The following PLEKHH2 variants were observed in gnomAD, a reference collection of about 807,000 sequenced individuals.
PLEKHH2 encodes pleckstrin homology domain-containing family H member 2.
In PLEKHH2, 129 loss-of-function variants were observed where a neutral mutation model predicts 187.9. The observed-to-expected ratio is 0.69, with a 90% CI of 0.59 to 0.79. The LOEUF is 0.79. Ranked by LOEUF, PLEKHH2 falls within the 30% of genes least tolerant of loss-of-function variation. PLEKHH2 has a pLI of 0.00. For synonymous variants in PLEKHH2, 686 were observed against 605.6 expected (o/e 1.13, Z -1.95); for missense variants, 2,076 against 1,751.2 (o/e 1.19, Z -3.31).
Position 43,692,607 on chromosome 2 carries a change from C to G in PLEKHH2, c.280C>G (p.Leu94Val), listed in dbSNP as rs367771072. 3.7e-6 allele frequency: 6 copies of G among 1,612,786 alleles called. No individual in the cohort carries two copies. Among genetic ancestry groups the G allele is most frequent in the Non-Finnish European group, 5.1e-6 (6 of 1,179,226 alleles). ...TAATAAGTGTCAAGATCTGGAGTCGCTAATACAGGAAAAAGATGACGTCAT... is the reference window on the plus strand; with the variant it reads ...TAATAAGTGTCAAGATCTGGAGTCGGTAATACAGGAAAAAGATGACGTCAT... ...LYNKCQDLESLIQEKDDVIQN... is the reference protein window; with the variant it reads ...LYNKCQDLESVIQEKDDVIQN... The change falls in exon 4 of 30, where the codon CTA becomes GTA. Residue 94 changes from leucine to valine, a missense_variant. Leu to Val is a conservative substitution (Grantham distance 32, BLOSUM62 1). Coordinates refer to ENST00000282406, the MANE Select transcript of PLEKHH2 (RefSeq NM_172069.4).
chr2:43,733,584 A>G (rs1671150443), intron 19 of PLEKHH2, among the ~76,000 whole-genome samples: 2 of 152,104 alleles, frequency 1.3e-5, no homozygotes, highest in Admixed American at 1.3e-4. Context: ...TGTTTATTAG[A>G]TAATATGGAA....
At chr2:43,640,924 C>G (rs1415455339) in intron 1 of PLEKHH2, among the ~76,000 whole-genome samples, 1 of 149,952 alleles carries the variant, frequency 6.7e-6, no homozygotes, top group South Asian at 2.1e-4. Context: ...GCTGGGACTA[C>G]AGGCCTGCAC....
chr2:43,744,981 T>G (rs912843875), intron 23 of PLEKHH2, among the ~76,000 whole-genome samples: 1 of 149,154 alleles, frequency 6.7e-6, no homozygotes, highest in Non-Finnish European at 1.5e-5. Flanking sequence ...CATAGTAAAA[T>G]AACTTTAATA....
chr2:43,764,367 T>G lies in PLEKHH2; in HGVS notation c.4296+2T>G. 6.2e-7 allele frequency: 1 copy of G among 1,612,496 alleles called. No individual in the cohort carries two copies. The highest frequency in any genetic ancestry group is 1.1e-5 in the South Asian group (1 of 90,928). On this transcript the variant is annotated splice_donor_variant, in intron 29 of 29. Coordinates refer to ENST00000282406, the MANE Select transcript of PLEKHH2 (RefSeq NM_172069.4). LOFTEE classifies it high-confidence loss of function. The stretch of plus-strand genomic sequence containing the variant: ...CTTTTTGCCATGGCAAAACCCAAGG[T>G]GAGTAGAAGCCTTTCTGCCAACTTT...
intron 2 of PLEKHH2, chr2:43,676,436 G>A (rs1227259859): frequency 3.9e-6 from 3 of 762,988 alleles, no homozygotes; most frequent in Admixed American, 3.1e-5. Context: ...CTCTAGCTGC[G>A]GGAGGTCGCT....
rs745951542 is a variant in PLEKHH2, at chr2:43,738,439, T to C, written c.3042T>C (p.Pro1014=). 6.2e-7 allele frequency: 1 copy of C among 1,613,936 alleles called. No individual in the cohort carries two copies. Among genetic ancestry groups the C allele is most frequent in the African/African-American group, 1.3e-5 (1 of 74,928 alleles). Residue 1014 remains proline, a synonymous_variant, in exon 20 of 30, where the codon CCT becomes CCC. Coordinates refer to ENST00000282406, the MANE Select transcript of PLEKHH2 (RefSeq NM_172069.4). The part of the protein sequence containing the change: ...QSALQICLTH[P]ELQNEICCQL... ...CTTTGCAAATCTGCCTGACACATCC[T>C]GAGCTGCAGAATGAAATTTGCTGTC...
chr2:43,641,248 G>C (rs1169212610), intron 1 of PLEKHH2, among the ~76,000 whole-genome samples: 2 of 151,970 alleles, frequency 1.3e-5, no homozygotes, highest in African/African-American at 4.8e-5. Context: ...TCCTTTGAAG[G>C]ACAAAAATTT....
At chr2:43,667,965 A>T (rs984340693) in intron 2 of PLEKHH2, among the ~76,000 whole-genome samples, 1 of 152,112 alleles carries the variant, frequency 6.6e-6, no homozygotes, top group Non-Finnish European at 1.5e-5. Flanking sequence ...TCAATTTTTT[A>T]AAAAGTTTGG....
At chr2:43,716,386 A>G (rs1991739) in intron 15 of PLEKHH2, among the ~76,000 whole-genome samples, 63,357 of 152,000 alleles carry the variant, frequency 0.42, 14,373 homozygotes, top group African/African-American at 0.59. Context: ...CAGTTTTCTT[A>G]ATGAACATTA....
At chr2:43,732,697 T>C (rs929040011) in intron 19 of PLEKHH2, among the ~76,000 whole-genome samples, 2 of 152,220 alleles carry the variant, frequency 1.3e-5, no homozygotes, top group African/African-American at 4.8e-5. Context: ...ATTAGCTTTT[T>C]TTAAGATCAT....
chr2:43,713,190 A>G (rs1670052301), intron 15 of PLEKHH2, among the ~76,000 whole-genome samples: 1 of 152,118 alleles, frequency 6.6e-6, no homozygotes, highest in Admixed American at 6.5e-5. Flanking sequence ...TTAATTTGCA[A>G]AAGATTTAAT....
At chr2:43,755,563 C>T (rs1406164739) in intron 25 of PLEKHH2, among the ~76,000 whole-genome samples, 1 of 152,214 alleles carries the variant, frequency 6.6e-6, no homozygotes, top group Non-Finnish European at 1.5e-5. Context: ...GACTCCAAAA[C>T]TCAGCTACTT....
chr2:43,674,193 G>A (rs973843651), intron 2 of PLEKHH2, among the ~76,000 whole-genome samples: 8 of 152,034 alleles, frequency 5.3e-5, no homozygotes, highest in Non-Finnish European at 1.2e-4. Context: ...TACATTTGAG[G>A]AGAAATCAGA....
At chr2:43,672,564 G>A (rs369353563) in intron 2 of PLEKHH2, among the ~76,000 whole-genome samples, 137 of 152,262 alleles carry the variant, frequency 9.0e-4, no homozygotes, top group African/African-American at 3.2e-3. Context: ...ATCACCAGTT[G>A]TTGCCTAGTT....
At chr2:43,724,152 A>G (rs545780721) in intron 16 of PLEKHH2, among the ~76,000 whole-genome samples, 1 of 152,216 alleles carries the variant, frequency 6.6e-6, no homozygotes, top group East Asian at 1.9e-4. Context: ...GTAAGTCTGA[A>G]ATGCTGTTAA....
At chr2:43,728,154 G>A (rs1670857188) in intron 17 of PLEKHH2, among the ~76,000 whole-genome samples, 1 of 152,066 alleles carries the variant, frequency 6.6e-6, no homozygotes, top group African/African-American at 2.4e-5. Context: ...CCCTAGTAAT[G>A]ACTCATAATT....
At chr2:43,750,426 G>A (rs948602381) in intron 24 of PLEKHH2, among the ~76,000 whole-genome samples, 4 of 151,640 alleles carry the variant, frequency 2.6e-5, no homozygotes, top group Admixed American at 1.3e-4. Context: ...GAGCCAAATC[G>A]TGCCACTGCA....
chr2:43,699,244 A>G (rs1304021240), intron 7 of PLEKHH2, among the ~76,000 whole-genome samples: 2 of 152,056 alleles, frequency 1.3e-5, no homozygotes, highest in African/African-American at 4.8e-5. Context: ...GTAAAAACCA[A>G]TTTGGAAACT....
In PLEKHH2 at chr2:43,700,125, A is replaced by G. The variant is rs1258594843; in HGVS notation, c.1167A>G (p.Lys389=). 1.2e-6 allele frequency: 2 copies of G among 1,614,174 alleles called. No homozygotes were observed. Among genetic ancestry groups the G allele is most frequent in the Non-Finnish European group, 1.7e-6 (2 of 1,180,040 alleles). ...QDSSSDELNK[K]FQSQRLDYSS... is the part of the protein sequence containing the mutation. The stretch of plus-strand genomic sequence containing the variant: ...GTTCCTCGGATGAACTGAATAAAAA[A>G]TTTCAATCCCAGAGACTCGATTATT... Residue 389 remains lysine, a synonymous_variant, in exon 8 of 30, where the codon AAA becomes AAG. Coordinates refer to ENST00000282406, the MANE Select transcript of PLEKHH2 (RefSeq NM_172069.4).
Sources: gnomAD v4.1 joint callset for allele counts (sites outside exome capture counted in the v4.1 genomes callset) on GRCh38, gnomAD v4.1.1 for gene constraint, MANE v1.5 for transcripts, NCBI Gene and HGNC (gene_info 2026-07-23, HGNC 2026-07-21) for gene names.